Variants in IAH1 observed in about 807,000 individuals in gnomAD.
IAH1 encodes isoamyl acetate-hydrolyzing esterase 1 homolog.
IAH1 carries 24 observed loss-of-function variants against 26.7 expected under a neutral mutation model. The ratio of observed to expected loss-of-function variants is 0.90; its 90% CI spans 0.65 to 1.26. IAH1 has a LOEUF of 1.26. Among genes scored for constraint, IAH1 ranks in the 50% most tolerant of loss-of-function variants. The pLI is 0.00. For missense variants in IAH1, 300 were observed against 299.9 expected (o/e 1.00, Z 0.00); for synonymous variants, 140 against 118.5 (o/e 1.18, Z -1.18).
chr2:9,502,997 G>A, the IAH1 span, among the ~76,000 whole-genome samples: 5 of 151,178 alleles, frequency 3.3e-5, no homozygotes, highest in African/African-American at 9.7e-5. Flanking sequence ...AAAATTAGCC[G>A]GGCATGGTGC....
chr2:9,484,798 A>G, intron 5 of IAH1: 2 of 423,180 alleles, frequency 4.7e-6, no homozygotes, highest in South Asian at 3.8e-5. Context: ...TGAGCAACAC[A>G]TGGCTCATAT....
At position 9,489,182 on chromosome 2, in the gene IAH1, A is replaced by C. The variant is rs1661861201; in HGVS notation, c.*853A>C. On this transcript the variant is annotated 3_prime_UTR_variant, in exon 6 of 6. Transcript: ENST00000497473. ...TTTGTTGTTGTTGTTGTTAAGAAATATCTCACCCTCTTATTCAATAGTGTT... is the reference window on the plus strand; with the variant it reads ...TTTGTTGTTGTTGTTGTTAAGAAATCTCTCACCCTCTTATTCAATAGTGTT... 6.7e-6 allele frequency: 1 copy of C among 150,312 alleles called. No individual in the cohort carries two copies. Among genetic ancestry groups the C allele is most frequent in the Admixed American group, 6.6e-5 (1 of 15,142 alleles). 9.3% of individuals were successfully genotyped at this position (150,312 alleles called of 1,614,324 possible).
chr2:9,485,901 G>A (rs1352303780), intron 5 of IAH1: 1 of 152,080 alleles, frequency 6.6e-6, no homozygotes, highest in Non-Finnish European at 1.5e-5. Flanking sequence ...CGGGACTGAT[G>A]ATATTTGAAG....
At chr2:9,484,371 C>T in intron 4 of IAH1, 61 bp from the exon 5 acceptor site, 1 of 1,285,954 alleles carries the variant, frequency 7.8e-7, no homozygotes, top group Non-Finnish European at 1.1e-6. Context: ...TGGAGCAGAA[C>T]TTACACAAGG....
chr2:9,510,113 T>C, the IAH1 span: 3 of 1,614,142 alleles, frequency 1.9e-6, no homozygotes, highest in African/African-American at 1.3e-5. Context: ...AATTCATGAG[T>C]TGTAACCAGG....
downstream of IAH1, chr2:9,493,816 C>A: frequency 6.2e-7 from 1 of 1,613,864 alleles, no homozygotes; most frequent in Non-Finnish European, 8.5e-7. Flanking sequence ...ACTCGTTTCT[C>A]ACATTTGCCC....
chr2:9,502,879 CAAAAAAAA>C, the IAH1 span, among the ~76,000 whole-genome samples: 3 of 43,594 alleles, frequency 6.9e-5, no homozygotes, highest in Admixed American at 3.5e-4. Flanking sequence ...AATTCTGTCT[CAAAAAAAA>C]AAAAAAAAAA....
the IAH1 span, chr2:9,510,149 GA>G: frequency 1.9e-6 from 3 of 1,613,504 alleles, no homozygotes; most frequent in Non-Finnish European, 2.5e-6. Flanking sequence ...ATCATGCAAA[GA>G]AAACATTATT....
rs71437666 is a variant in IAH1 at position 9,487,860 on chromosome 2, G to A, written c.565-287G>A. Among the ~76,000 whole-genome samples, 5 of 151,456 alleles carry A rather than the reference G, an allele frequency of 3.3e-5. No individual in the cohort carries two copies. The East Asian group carries it at 7.8e-4, about 24-fold the overall frequency. On this transcript the variant is annotated intron_variant, in intron 5 of 5. Coordinates refer to ENST00000497473, the MANE Select transcript of IAH1 (RefSeq NM_001039613.3). ...CGCGCGCGCGCGCGCGCTGTGGGGG[G>A]AGACAGTCTATCACCCAGGCTGGAA...
At chr2:9,492,108 G>C (rs541296902), downstream of IAH1, among the ~76,000 whole-genome samples, 2 of 152,216 alleles carry the variant, frequency 1.3e-5, no homozygotes, top group Non-Finnish European at 2.9e-5. Flanking sequence ...AGGAAAGGAA[G>C]GAGGCAGTAG....
At chr2:9,506,357 C>CTTTT in the IAH1 span, among the ~76,000 whole-genome samples, 2 of 126,194 alleles carry the variant, frequency 1.6e-5, no homozygotes, top group African/African-American at 6.2e-5. Context: ...ATCTTCAAAT[C>CTTTT]TGTTTTTTTT....
At chr2:9,506,378 T>G in the IAH1 span, among the ~76,000 whole-genome samples, 1 of 146,392 alleles carries the variant, frequency 6.8e-6, no homozygotes, top group Admixed American at 6.8e-5. Flanking sequence ...TTTTTTTTTT[T>G]TTTTTTTTAG....
Position 9,488,673 on chromosome 2 carries a change from A to G in IAH1, c.*344A>G, listed in dbSNP as rs553689794. On this transcript the variant is annotated 3_prime_UTR_variant, in exon 6 of 6. Transcript: ENST00000497473. Reference sequence around the variant, plus strand: ...ATACATACACCCACACACCCCACTCAACCTTGTATCAAATTCCAAAAGTGT... The same window carrying G: ...ATACATACACCCACACACCCCACTCGACCTTGTATCAAATTCCAAAAGTGT... 5.9e-6 allele frequency: 1 copy of G among 169,840 alleles called. No homozygotes were observed. The highest frequency in any genetic ancestry group is 2.4e-5 in the African/African-American group (1 of 42,278). 10.5% of individuals were successfully genotyped at this position (169,840 alleles called of 1,614,324 possible).
downstream of IAH1, chr2:9,490,063 C>CCTG (rs1474705405): frequency 9.9e-7 from 1 of 1,008,966 alleles, no homozygotes. Context: ...AAACACATGA[C>CCTG]CAGCATCTGC....
At chr2:9,510,128 C>T in the IAH1 span, 1 of 1,614,072 alleles carries the variant, frequency 6.2e-7, no homozygotes, top group South Asian at 1.1e-5. Flanking sequence ...ACCAGGTCAG[C>T]TTCCTTAAGG....
Position 9,489,286 on chromosome 2 carries a change from G to A in IAH1, c.*957G>A, listed in dbSNP as rs1288775317. 12 of 109,558 alleles carry A rather than the reference G, an allele frequency of 1.1e-4. No individual in the cohort carries two copies. The East Asian group carries it at 2.2e-3, about 20-fold the overall frequency. The allele number at this position is 109,558 out of a possible 1,614,324, so 6.8% of individuals were successfully genotyped here. A position where few individuals can be genotyped will look rare whatever the true frequency, so the allele number is the denominator to read the frequency against. ...TTTTTTTTTTTTTTTTTTTTTTTGA[G>A]GCAGAGTCTCACTCTGTCACCCAGG... On this transcript the variant is annotated 3_prime_UTR_variant, in exon 6 of 6. Transcript: ENST00000497473.
the IAH1 span, chr2:9,505,189 C>T: frequency 5.6e-6 from 9 of 1,614,230 alleles, no homozygotes; most frequent in South Asian, 1.1e-5. Context: ...CTTCCTTCAA[C>T]GTGCAGTCGC....
downstream of IAH1, chr2:9,490,451 T>C (rs1413318075): frequency 6.2e-7 from 1 of 1,613,972 alleles, no homozygotes; most frequent in Non-Finnish European, 8.5e-7. Context: ...GCCTGGAGTC[T>C]GGGGCGCAGG....
downstream of IAH1, chr2:9,492,843 G>T: frequency 6.9e-7 from 1 of 1,446,516 alleles, no homozygotes; most frequent in Non-Finnish European, 9.5e-7. Flanking sequence ...TTACATGGTT[G>T]GAGTTGATCA....
Sources: allele counts gnomAD v4.1 joint callset (sites outside exome capture counted in the v4.1 genomes callset), GRCh38; gene constraint gnomAD v4.1.1; transcripts MANE v1.5; gene names NCBI Gene and HGNC (gene_info 2026-07-23, HGNC 2026-07-21).